RUBCN: variants seen among roughly 807,000 people sequenced by gnomAD.
RUBCN encodes the protein rubicon autophagy regulator.
RUBCN carries 74 observed loss-of-function variants against 113.2 expected under a neutral mutation model. The observed-to-expected ratio is 0.65, with a 90% CI of 0.54 to 0.79. RUBCN has a LOEUF of 0.79. Among genes scored for constraint, RUBCN ranks in the 30% least tolerant of loss-of-function variants. The pLI is 0.00. For missense variants in RUBCN, 1,109 were observed against 1,251.7 expected, an observed-to-expected ratio of 0.89 and a Z score of 1.72; for synonymous variants, 480 against 490.0, an observed-to-expected ratio of 0.98 and a Z score of 0.27.
At chr3:197,690,992 C>T (rs550442873) in intron 11 of RUBCN, 10 of 724,086 alleles carry the variant, frequency 1.4e-5, no homozygotes, top group South Asian at 4.3e-5. Context: ...ACAGTTATCA[C>T]ATGATTAAGT....
chr3:197,704,775 G>T, intron 3 of RUBCN, 74 bp from the exon 4 acceptor site: 1 of 1,442,506 alleles, frequency 6.9e-7, no homozygotes, highest in East Asian at 2.3e-5. Context: ...AATGACCTGA[G>T]AACTAAATTG....
chr3:197,744,225 A>T (rs961576036), intron 1 of RUBCN, among the ~76,000 whole-genome samples: 3 of 152,154 alleles, frequency 2.0e-5, no homozygotes, highest in Non-Finnish European at 4.4e-5. Context: ...TCATGAAAAG[A>T]CAAAATTCTT....
At position 197,676,465 on chromosome 3, in the gene RUBCN, C is replaced by T. The variant is rs1270713256; in HGVS notation, c.2646+420G>A. The T allele has an allele frequency of 1.3e-5, 8 of 607,308 alleles. No individual in the cohort carries two copies. In the African/African-American group the frequency reaches 1.6e-4, roughly 12 times the overall value. 37.6% of individuals were successfully genotyped at this position (607,308 alleles called of 1,614,324 possible). ...AGTAGCTGGGATTACAGGCACCCGC[C>T]ATCATGCCCGGCTAATTTCTGTATT... is the stretch of plus-strand genomic sequence containing the variant. On this transcript the variant is annotated intron_variant, in intron 18 of 19. Transcript: ENST00000296343.
rs191731599 is a variant in RUBCN, at chr3:197,693,256, G to A, written c.1786+459C>T. On this transcript the variant is annotated intron_variant, in intron 11 of 19. Coordinates refer to ENST00000296343, the MANE Select transcript of RUBCN (RefSeq NM_014687.4). ...GCAGTGAGCACCGACCGCAAGGGCA[G>A]AAATTCAAGCTCTACTTTGTAAACC... Among the ~76,000 whole-genome samples the A allele has an allele frequency of 2.2e-3, 330 of 152,356 alleles. 2 individuals carry two copies. Among genetic ancestry groups the A allele is most frequent in the Non-Finnish European group, 3.4e-3 (233 of 68,038 alleles).
chr3:197,732,971 T>C (rs1276584913), intron 1 of RUBCN, among the ~76,000 whole-genome samples: 1 of 152,230 alleles, frequency 6.6e-6, no homozygotes. Context: ...TTTATGCACA[T>C]TGTTTTATTG....
chr3:197,704,366 G>A (rs544330743), intron 4 of RUBCN, among the ~76,000 whole-genome samples, 176 bp downstream of exon 4: 8 of 152,228 alleles, frequency 5.3e-5, no homozygotes, highest in South Asian at 2.1e-4. Flanking sequence ...CCCAGGAGGC[G>A]GAGGTTGCAG....
At chr3:197,678,205 T>G (rs1482590356) in intron 16 of RUBCN, among the ~76,000 whole-genome samples, 2 of 146,380 alleles carry the variant, frequency 1.4e-5, no homozygotes, top group African/African-American at 5.2e-5. Context: ...ACAACTGGCT[T>G]CAGACTGTTG....
At chr3:197,714,639 C>T (rs6775867) in intron 2 of RUBCN, among the ~76,000 whole-genome samples, 17,212 of 152,146 alleles carry the variant, frequency 0.11, 1,199 homozygotes, top group African/African-American at 0.18. Context: ...CAAGTATACA[C>T]ACTTTAATAC....
intron 11 of RUBCN, among the ~76,000 whole-genome samples, chr3:197,684,737 T>C (rs28648912): frequency 0.065 from 9,811 of 151,596 alleles, 931 homozygotes; most frequent in African/African-American, 0.2. Flanking sequence ...TGTATATATA[T>C]ACACACACGT....
intron 1 of RUBCN, among the ~76,000 whole-genome samples, chr3:197,719,527 T>A (rs555931810): frequency 6.7e-6 from 1 of 149,758 alleles, no homozygotes; most frequent in Admixed American, 6.6e-5. Flanking sequence ...AAGCAAACAT[T>A]AAGTACTCTA....
intron 2 of RUBCN, among the ~76,000 whole-genome samples, chr3:197,715,055 C>T (rs1004621831): frequency 1.3e-4 from 19 of 151,996 alleles, no homozygotes; most frequent in East Asian, 7.7e-4. Context: ...TTTGGGAGGT[C>T]GAGGCAGGCG....
intron 1 of RUBCN, among the ~76,000 whole-genome samples, chr3:197,719,286 G>C (rs571428295): frequency 2.3e-4 from 35 of 152,092 alleles, no homozygotes; most frequent in Non-Finnish European, 2.2e-4. Context: ...AAACCAGCCT[G>C]GCCAACATGG....
intron 11 of RUBCN, among the ~76,000 whole-genome samples, chr3:197,693,227 C>T (rs1438195188): frequency 6.6e-6 from 1 of 152,204 alleles, no homozygotes; most frequent in Non-Finnish European, 1.5e-5. Context: ...TGTGACTGTG[C>T]TGAGCAGTGA....
intron 14 of RUBCN, among the ~76,000 whole-genome samples, 155 bp downstream of exon 14, chr3:197,682,315 A>G (rs1721331315): frequency 6.6e-6 from 1 of 152,208 alleles, no homozygotes; most frequent in East Asian, 1.9e-4. Context: ...TAAGAAACGA[A>G]GGACCAAATG....
chr3:197,680,665 G>A (rs1390213994), intron 16 of RUBCN, among the ~76,000 whole-genome samples: 1 of 152,230 alleles, frequency 6.6e-6, no homozygotes, highest in Non-Finnish European at 1.5e-5. Context: ...CCCTCCGCCA[G>A]GTCTGTCTGC....
chr3:197,681,823 G>A lies in RUBCN; in HGVS notation c.2191+12C>T, dbSNP rs777359960. The A allele has an allele frequency of 6.2e-7, 1 of 1,612,688 alleles. No individual in the cohort carries two copies. The highest frequency in any genetic ancestry group is 2.2e-5 in the East Asian group (1 of 44,862). On this transcript the variant is annotated intron_variant, in intron 15 of 19. Transcript: ENST00000296343. This position sits in a 1 kb window ranked among gnomAD's most constrained non-coding sequence, Gnocchi z 5.5. ...CTCTGGAGGCAGCATGGTGGGAAGG[G>A]AAGGCACTCACCAGGGTCAGTCCGG...
intron 11 of RUBCN, among the ~76,000 whole-genome samples, chr3:197,692,289 G>C (rs1722509221): frequency 6.6e-6 from 1 of 152,058 alleles, no homozygotes; most frequent in South Asian, 2.1e-4. Context: ...GACACCACGG[G>C]GGCAGGACGA....
intron 1 of RUBCN, among the ~76,000 whole-genome samples, chr3:197,728,419 A>G (rs533727956): frequency 2.2e-4 from 33 of 152,340 alleles, no homozygotes; most frequent in African/African-American, 7.7e-4. Context: ...CTGCTTTGCT[A>G]CTAGCTCTAT....
intron 1 of RUBCN, among the ~76,000 whole-genome samples, chr3:197,746,849 G>A (rs185868328): frequency 2.0e-5 from 3 of 152,220 alleles, no homozygotes; most frequent in African/African-American, 7.2e-5. Context: ...CCAGTCCAGG[G>A]CCTTGTTCAC....
Sources: allele counts gnomAD v4.1 joint callset (sites outside exome capture counted in the v4.1 genomes callset), GRCh38; gene constraint gnomAD v4.1.1; non-coding constraint Gnocchi (gnomAD v3.1); transcripts MANE v1.5; gene names NCBI Gene and HGNC (gene_info 2026-07-23, HGNC 2026-07-21).